The following PTPRD variants were observed in gnomAD, a reference collection of about 807,000 sequenced individuals.
PTPRD encodes protein tyrosine phosphatase receptor type D.
A neutral mutation model predicts 214.5 loss-of-function variants in PTPRD; 34 were observed. The ratio of observed to expected loss-of-function variants is 0.16; its 90% CI spans 0.12 to 0.21. The LOEUF (loss-of-function observed/expected upper bound fraction) is 0.21, where lower values mean the gene tolerates loss of function less well. Among genes scored for constraint, PTPRD ranks in the 10% least tolerant of loss-of-function variants. The pLI is 1.00. For missense variants in PTPRD, 2,545 were observed against 2,398.7 expected (o/e 1.06, Z -1.27); for synonymous variants, 1,128 against 845.7 (o/e 1.33, Z -5.79).
intron 3 of PTPRD, among the ~76,000 whole-genome samples, chr9:10,099,839 G>T (rs963068029): frequency 6.6e-6 from 1 of 151,624 alleles, no homozygotes; most frequent in Non-Finnish European, 1.5e-5. Flanking sequence ...TTAAAAAAAA[G>T]ATTCGGAGAC....
At chr9:10,564,120 C>T (rs1385352255) in intron 2 of PTPRD, among the ~76,000 whole-genome samples, 1 of 146,032 alleles carries the variant, frequency 6.8e-6, no homozygotes, top group South Asian at 2.2e-4. Context: ...CCACCTCAGC[C>T]TCCCGAGTGC....
intron 3 of PTPRD, among the ~76,000 whole-genome samples, chr9:10,191,852 G>A (rs993968547): frequency 1.3e-5 from 2 of 152,036 alleles, no homozygotes; most frequent in African/African-American, 4.8e-5. Context: ...TTCTCTATAT[G>A]ACTTCGTCAA....
chr9:9,039,066 C>G (rs1220894384), intron 10 of PTPRD, among the ~76,000 whole-genome samples: 2 of 151,980 alleles, frequency 1.3e-5, no homozygotes, highest in South Asian at 2.1e-4. Context: ...CAGAGTTAAG[C>G]TATGAAACAA....
At chr9:9,091,906 A>G (rs1454708066) in intron 10 of PTPRD, among the ~76,000 whole-genome samples, 2 of 152,334 alleles carry the variant, frequency 1.3e-5, no homozygotes, top group African/African-American at 2.4e-5. Context: ...TGAAAACCTA[A>G]TTAACAAAAA....
chr9:10,084,921 A>G (rs2154192776), intron 3 of PTPRD, among the ~76,000 whole-genome samples: 1 of 151,978 alleles, frequency 6.6e-6, no homozygotes, highest in East Asian at 1.9e-4. Context: ...AGGAGTCTCA[A>G]CTCTCGTAGA....
intron 44 of PTPRD, among the ~76,000 whole-genome samples, chr9:8,330,739 C>A (rs1312066456): frequency 6.6e-6 from 1 of 152,014 alleles, no homozygotes; most frequent in African/African-American, 2.4e-5. Context: ...TATCTTAGCC[C>A]AAGTCTAATA....
At chr9:9,455,432 T>A (rs973551350) in intron 8 of PTPRD, among the ~76,000 whole-genome samples, 1 of 151,638 alleles carries the variant, frequency 6.6e-6, no homozygotes, top group Non-Finnish European at 1.5e-5. Flanking sequence ...TATAACATCA[T>A]AACAATACCA....
chr9:8,529,691 G>C (rs2075174287), intron 14 of PTPRD, among the ~76,000 whole-genome samples: 1 of 152,110 alleles, frequency 6.6e-6, no homozygotes, highest in Non-Finnish European at 1.5e-5. Flanking sequence ...AGCTCTTCTA[G>C]CCAGGATTAG....
At chr9:9,772,954 C>A (rs2098764901) in intron 5 of PTPRD, among the ~76,000 whole-genome samples, 1 of 152,102 alleles carries the variant, frequency 6.6e-6, no homozygotes, top group African/African-American at 2.4e-5. Context: ...TATGCTAGTC[C>A]CCTTCTTTCT....
At chr9:9,519,292 A>C (rs201560936) in intron 8 of PTPRD, among the ~76,000 whole-genome samples, 1 of 78,922 alleles carries the variant, frequency 1.3e-5, no homozygotes, top group Non-Finnish European at 3.9e-5. Flanking sequence ...TAAAAACAGG[A>C]AAAAAAAATC....
At chr9:8,795,088 C>T (rs10119916) in intron 11 of PTPRD, among the ~76,000 whole-genome samples, 97,940 of 151,890 alleles carry the variant, frequency 0.64, 31,726 homozygotes, top group Middle Eastern at 0.72. Flanking sequence ...CATTTAAAGG[C>T]GTCATTTTAA....
chr9:8,875,308 G>A (rs775840858), intron 11 of PTPRD, among the ~76,000 whole-genome samples: 20 of 152,240 alleles, frequency 1.3e-4, no homozygotes, highest in South Asian at 2.1e-4. Flanking sequence ...GGAGGATCCC[G>A]TGAGCCCAGG....
At chr9:8,660,408 G>T (rs115738103) in intron 12 of PTPRD, among the ~76,000 whole-genome samples, 2 of 152,162 alleles carry the variant, frequency 1.3e-5, no homozygotes, top group African/African-American at 4.8e-5. Context: ...ACTGGTGGCA[G>T]ATGACTGGGT....
At chr9:9,918,362 A>AC (rs1384062256) in intron 5 of PTPRD, among the ~76,000 whole-genome samples, 374 of 150,520 alleles carry the variant, frequency 2.5e-3, no homozygotes, top group African/African-American at 8.8e-3. Context: ...AAAAAAAAAA[A>AC]AAAAAAAACT....
chr9:8,756,676 T>C (rs1039473271), intron 11 of PTPRD, among the ~76,000 whole-genome samples: 5 of 152,140 alleles, frequency 3.3e-5, no homozygotes, highest in African/African-American at 7.2e-5. Context: ...AAGGTACTTA[T>C]ACAGGCAAGT....
chr9:9,703,984 A>C (rs962737873), intron 7 of PTPRD, among the ~76,000 whole-genome samples: 39 of 152,186 alleles, frequency 2.6e-4, no homozygotes, highest in African/African-American at 8.2e-4. Context: ...TCCCAGGCTC[A>C]AACAATTTCC....
chr9:10,222,317 A>G (rs1383359328), intron 3 of PTPRD, among the ~76,000 whole-genome samples: 1 of 152,074 alleles, frequency 6.6e-6, no homozygotes, highest in African/African-American at 2.4e-5. Context: ...TTAGGAAAAT[A>G]CAATAACCAT....
At chr9:9,706,043 A>C (rs2097597147) in intron 7 of PTPRD, among the ~76,000 whole-genome samples, 2 of 152,136 alleles carry the variant, frequency 1.3e-5, no homozygotes, top group Non-Finnish European at 2.9e-5. Flanking sequence ...ATTAATCATG[A>C]GGATGAAGTT....
intron 3 of PTPRD, among the ~76,000 whole-genome samples, chr9:10,295,601 C>G (rs2095651478): frequency 1.3e-5 from 2 of 152,080 alleles, no homozygotes; most frequent in African/African-American, 4.8e-5. Flanking sequence ...ACATCACTCT[C>G]TGTTTCCTTA....
Sources: gnomAD v4.1 joint callset for allele counts (sites outside exome capture counted in the v4.1 genomes callset) on GRCh38, gnomAD v4.1.1 for gene constraint, MANE v1.5 for transcripts, NCBI Gene and HGNC (gene_info 2026-07-23, HGNC 2026-07-21) for gene names.